The following TM4SF20 variants were observed in gnomAD, a reference collection of about 807,000 sequenced individuals.
TM4SF20 encodes the protein transmembrane 4 L six family member 20, also known as transmembrane 4 L6 family member 20.
Under a neutral mutation model 15.1 loss-of-function variants are expected in TM4SF20, and 13 were observed. That is an observed-to-expected ratio of 0.86 (90% CI 0.56 to 1.36). The LOEUF is 1.36. Among genes scored for constraint, TM4SF20 ranks in the 40% most tolerant of loss-of-function variants. TM4SF20 has a pLI of 0.00. For missense variants in TM4SF20, 282 were observed against 268.4 expected, an observed-to-expected ratio of 1.05 and a Z score of -0.35; for synonymous variants, 92 against 96.6, an observed-to-expected ratio of 0.95 and a Z score of 0.28.
At chr2:227,377,241 C>G (rs1575026308) in intron 1 of TM4SF20, among the ~76,000 whole-genome samples, 1 of 152,178 alleles carries the variant, frequency 6.6e-6, no homozygotes, top group African/African-American at 2.4e-5. Context: ...AAATTGCTAT[C>G]GTTAAGTCAT....
chr2:227,363,513 G>C lies in TM4SF20; in HGVS notation c.*211C>G. 2.0e-6 allele frequency: 1 copy of C among 504,604 alleles called. No homozygotes were observed. Among genetic ancestry groups the C allele is most frequent in the East Asian group, 3.3e-5 (1 of 29,878 alleles). The allele number at this position is 504,604 out of a possible 1,614,324, so 31.3% of individuals were successfully genotyped here. A position where few individuals can be genotyped will look rare whatever the true frequency, so the allele number is the denominator to read the frequency against. ...CTCCTTTCTCTACACACAGTGAAGA[G>C]GTAAAAAATTTGAATAGTACAACAC... is the stretch of plus-strand genomic sequence containing the variant. On this transcript the variant is annotated 3_prime_UTR_variant, in exon 4 of 4. Transcript: ENST00000304568.
chr2:227,378,906 G>A lies in TM4SF20; in HGVS notation c.183+180C>T, dbSNP rs73090155. On this transcript the variant is annotated intron_variant, in intron 1 of 3. Coordinates refer to ENST00000304568, the MANE Select transcript of TM4SF20 (RefSeq NM_024795.4). ...CCAGCTCTCTATCCTATACCACATA[G>A]TGTACTTTATTTAAATTACCATTCT... 6.1e-3 allele frequency among the ~76,000 whole-genome samples: 931 copies of A among 152,214 alleles called. 8 individuals carry two copies. The highest frequency in any genetic ancestry group is 0.021 in the African/African-American group (889 of 41,524).
At chr2:227,370,765 A>G in intron 2 of TM4SF20, 150 bp downstream of exon 2, 2 of 686,812 alleles carry the variant, frequency 2.9e-6, no homozygotes, top group Admixed American at 2.1e-5. Context: ...CTCTAAATAA[A>G]TAAATAAAAA....
At chr2:227,369,135 A>C (rs946230012) in intron 2 of TM4SF20, among the ~76,000 whole-genome samples, 1 of 152,238 alleles carries the variant, frequency 6.6e-6, no homozygotes, top group Non-Finnish European at 1.5e-5. Flanking sequence ...ACTGAAAATT[A>C]GTGTTTATTG....
At chr2:227,368,948 C>A (rs1027352246) in intron 2 of TM4SF20, among the ~76,000 whole-genome samples, 20 of 152,152 alleles carry the variant, frequency 1.3e-4, no homozygotes, top group African/African-American at 4.6e-4. Flanking sequence ...GACATAAAAA[C>A]CAGTTCTTAG....
Position 227,368,567 on chromosome 2 carries a change from T to C in TM4SF20, c.250-2323A>G, listed in dbSNP as rs549481867. ...TTTTAGTAGAGACAGGGTTTCACCA[T>C]ATTGGCCAGGCTGGTTTCAAACTCC... On this transcript the variant is annotated intron_variant, in intron 2 of 3. Transcript: ENST00000304568. 6.0e-5 allele frequency among the ~76,000 whole-genome samples: 9 copies of C among 150,442 alleles called. No individual in the cohort carries two copies. In the East Asian group the frequency reaches 1.6e-3, roughly 27 times the overall value.
chr2:227,375,682 C>G lies in TM4SF20; in HGVS notation c.183+3404G>C, dbSNP rs148773354. Among the ~76,000 whole-genome samples the G allele has an allele frequency of 6.5e-3, 992 of 152,096 alleles. 6 individuals carry two copies. Among genetic ancestry groups the G allele is most frequent in the African/African-American group, 0.019 (808 of 41,502 alleles). Reference sequence around the variant, plus strand: ...TTTTTTATATTTTTAGTAGAGACGGCGTTTCACCGTGTTAGCCAGGACGGT... The same window carrying G: ...TTTTTTATATTTTTAGTAGAGACGGGGTTTCACCGTGTTAGCCAGGACGGT... On this transcript the variant is annotated intron_variant, in intron 1 of 3. Coordinates refer to ENST00000304568, the MANE Select transcript of TM4SF20 (RefSeq NM_024795.4).
At chr2:227,376,601 G>T (rs540734334) in intron 1 of TM4SF20, among the ~76,000 whole-genome samples, 76 of 152,340 alleles carry the variant, frequency 5.0e-4, no homozygotes, top group African/African-American at 1.7e-3. Flanking sequence ...CTTACTGAGG[G>T]TGATAAAGTA....
At chr2:227,377,714 G>A (rs1428906110) in intron 1 of TM4SF20, among the ~76,000 whole-genome samples, 2 of 152,070 alleles carry the variant, frequency 1.3e-5, no homozygotes, top group East Asian at 1.9e-4. Flanking sequence ...TTAAACTAAC[G>A]CATGAACAGA....
At chr2:227,364,873 CTT>C (rs2106487859) in intron 3 of TM4SF20, among the ~76,000 whole-genome samples, 1 of 152,274 alleles carries the variant, frequency 6.6e-6, no homozygotes, top group South Asian at 2.1e-4. Flanking sequence ...TGGTAGAAAT[CTT>C]TAACCCTTTA....
chr2:227,364,577 G>C (rs2076381720), intron 3 of TM4SF20, among the ~76,000 whole-genome samples: 1 of 152,122 alleles, frequency 6.6e-6, no homozygotes. Flanking sequence ...TTTTTTGTTT[G>C]TTTACTGTAG....
intron 2 of TM4SF20, among the ~76,000 whole-genome samples, chr2:227,369,601 G>A (rs529028115): frequency 5.9e-5 from 9 of 151,898 alleles, no homozygotes; most frequent in Non-Finnish European, 1.3e-4. Flanking sequence ...GCTAATTTTT[G>A]TATTTTTAGT....
intron 1 of TM4SF20, among the ~76,000 whole-genome samples, chr2:227,373,027 C>T (rs2076428827): frequency 6.6e-6 from 1 of 152,012 alleles, no homozygotes; most frequent in Admixed American, 6.6e-5. Context: ...ACTCTTAATC[C>T]CTATTCCACA....
chr2:227,368,291 G>A (rs1328248958), intron 2 of TM4SF20, among the ~76,000 whole-genome samples: 1 of 146,664 alleles, frequency 6.8e-6, no homozygotes. Flanking sequence ...CCAAAGTGCT[G>A]GGATTACAGG....
chr2:227,363,117 A>G lies in TM4SF20; in HGVS notation c.*607T>C, dbSNP rs1179755843. ...TGTATTTATTCTTTAAAGAAATACA[A>G]TAAAAAGGTCCTGTCCTTTAGGCGC... On this transcript the variant is annotated 3_prime_UTR_variant, in exon 4 of 4. Transcript: ENST00000304568. The G allele has an allele frequency of 6.6e-6, 1 of 152,204 alleles. No individual in the cohort carries two copies. Among genetic ancestry groups the G allele is most frequent in the Admixed American group, 6.5e-5 (1 of 15,282 alleles). The allele number at this position is 152,204 out of a possible 1,614,324, so 9.4% of individuals were successfully genotyped here.
intron 3 of TM4SF20, among the ~76,000 whole-genome samples, chr2:227,365,272 A>G (rs868005269): frequency 3.3e-5 from 5 of 152,204 alleles, no homozygotes; most frequent in Non-Finnish European, 7.3e-5. Flanking sequence ...TTCTTTTTTA[A>G]TGTAGCAAGG....
chr2:227,369,183 C>T (rs935952874), intron 2 of TM4SF20, among the ~76,000 whole-genome samples: 6 of 152,076 alleles, frequency 3.9e-5, no homozygotes, highest in African/African-American at 1.4e-4. Context: ...TAGACTAGAA[C>T]TAATTAGCAT....
intron 1 of TM4SF20, among the ~76,000 whole-genome samples, chr2:227,375,977 C>A (rs1395173361): frequency 6.6e-6 from 1 of 152,082 alleles, no homozygotes; most frequent in African/African-American, 2.4e-5. Flanking sequence ...AATACTCGAA[C>A]AAATAACATT....
chr2:227,364,173 A>T (rs1321384799), intron 3 of TM4SF20, among the ~76,000 whole-genome samples, 161 bp from the exon 4 acceptor site: 1 of 152,186 alleles, frequency 6.6e-6, no homozygotes, highest in Non-Finnish European at 1.5e-5. Context: ...CATATACTCT[A>T]CTAGTTACAA....
Sources: allele counts gnomAD v4.1 joint callset (sites outside exome capture counted in the v4.1 genomes callset), GRCh38; gene constraint gnomAD v4.1.1; transcripts MANE v1.5; gene names NCBI Gene and HGNC (gene_info 2026-07-23, HGNC 2026-07-21).